PPP1R14C: variants seen among roughly 807,000 people sequenced by gnomAD.
PPP1R14C encodes protein phosphatase 1 regulatory inhibitor subunit 14C.
A neutral mutation model predicts 20.4 loss-of-function variants in PPP1R14C; 16 were observed. That is an observed-to-expected ratio of 0.78 (90% CI 0.53 to 1.19). The LOEUF (loss-of-function observed/expected upper bound fraction) is 1.19, where lower values mean the gene tolerates loss of function less well. Among genes scored for constraint, PPP1R14C ranks in the 50% most tolerant of loss-of-function variants. The pLI is 0.00. For synonymous variants in PPP1R14C, 91 were observed against 91.0 expected, an observed-to-expected ratio of 1.00 and a Z score of 0.00; for missense variants, 211 against 220.1, an observed-to-expected ratio of 0.96 and a Z score of 0.26.
chr6:150,198,174 T>C (rs1286990784), intron 1 of PPP1R14C, among the ~76,000 whole-genome samples: 5 of 147,088 alleles, frequency 3.4e-5, no homozygotes, highest in Admixed American at 6.7e-5. Context: ...GAGGAGGGCC[T>C]GGATGCCCGG....
chr6:150,203,697 G>C (rs546609438), intron 1 of PPP1R14C, among the ~76,000 whole-genome samples: 2 of 152,228 alleles, frequency 1.3e-5, no homozygotes. Context: ...TTCTCTCCAA[G>C]AATTGGCTAG....
intron 1 of PPP1R14C, among the ~76,000 whole-genome samples, chr6:150,167,183 A>G (rs1777431621): frequency 6.6e-6 from 1 of 152,142 alleles, no homozygotes; most frequent in African/African-American, 2.4e-5. Context: ...CCTGGCCAAC[A>G]TGGCAAACCC....
chr6:150,230,349 T>G (rs866784714), intron 3 of PPP1R14C, among the ~76,000 whole-genome samples: 1 of 152,190 alleles, frequency 6.6e-6, no homozygotes, highest in African/African-American at 2.4e-5. Context: ...CAATTTGCTG[T>G]AAGTTGGCAG....
chr6:150,229,788 A>C (rs1778272313), intron 3 of PPP1R14C, among the ~76,000 whole-genome samples: 1 of 152,192 alleles, frequency 6.6e-6, no homozygotes, highest in Non-Finnish European at 1.5e-5. Context: ...CAGATCCATA[A>C]GCCTCCTTTC....
chr6:150,211,558 G>A (rs1334528369), intron 1 of PPP1R14C, among the ~76,000 whole-genome samples: 1 of 152,138 alleles, frequency 6.6e-6, no homozygotes, highest in African/African-American at 2.4e-5. Context: ...CTATCACTAA[G>A]GTCATTCAGT....
At chr6:150,244,507 TC>T (rs1433802002) in intron 3 of PPP1R14C, among the ~76,000 whole-genome samples, 1 of 152,172 alleles carries the variant, frequency 6.6e-6, no homozygotes, top group East Asian at 1.9e-4. Context: ...TCCCACCTAG[TC>T]CTGCAATTTA....
At chr6:150,204,878 A>G (rs562608236) in intron 1 of PPP1R14C, among the ~76,000 whole-genome samples, 2 of 152,204 alleles carry the variant, frequency 1.3e-5, no homozygotes, top group African/African-American at 4.8e-5. Context: ...CTTTCTTCCC[A>G]TGCTGTGCTC....
At chr6:150,221,039 A>G (rs1443013502) in intron 3 of PPP1R14C, among the ~76,000 whole-genome samples, 9 of 152,242 alleles carry the variant, frequency 5.9e-5, no homozygotes, top group Admixed American at 3.3e-4. Context: ...ATGATGTAAA[A>G]TGCTGAGGAA....
At chr6:150,243,627 A>G (rs1778458194) in intron 3 of PPP1R14C, among the ~76,000 whole-genome samples, 1 of 152,262 alleles carries the variant, frequency 6.6e-6, no homozygotes, top group African/African-American at 2.4e-5. Context: ...GGGTATAAAC[A>G]TAGACAAATA....
intron 1 of PPP1R14C, among the ~76,000 whole-genome samples, chr6:150,191,613 G>C (rs1777747397): frequency 6.6e-6 from 1 of 152,188 alleles, no homozygotes; most frequent in South Asian, 2.1e-4. Flanking sequence ...AAAACACTCT[G>C]CTCTCCTTGT....
chr6:150,168,812 T>C (rs1010523864), intron 1 of PPP1R14C, among the ~76,000 whole-genome samples: 12 of 152,238 alleles, frequency 7.9e-5, no homozygotes, highest in African/African-American at 2.9e-4. Context: ...TATAATTTAA[T>C]TTAAAAATTT....
At chr6:150,225,108 T>C (rs1275452437) in intron 3 of PPP1R14C, among the ~76,000 whole-genome samples, 1 of 152,074 alleles carries the variant, frequency 6.6e-6, no homozygotes, top group Non-Finnish European at 1.5e-5. Flanking sequence ...CTCTGGTTAG[T>C]TTCTCCTCAG....
rs1386626221 is a variant in PPP1R14C at position 150,210,690 on chromosome 6, T to C, written c.307-4054T>C. ...ACAGCTTTAAAAATTGGAATTTTTT[T>C]ACATTAAAAAACTCTATTTTCAGTT... On this transcript the variant is annotated intron_variant, in intron 1 of 3. Coordinates refer to ENST00000361131, the MANE Select transcript of PPP1R14C (RefSeq NM_030949.3). Among the ~76,000 whole-genome samples the C allele has an allele frequency of 2.6e-5, 4 of 152,362 alleles. 1 individual carries two copies. The highest frequency in any genetic ancestry group is 3.4e-3 in the Middle Eastern group (1 of 294).
rs761314559 is a variant in PPP1R14C at position 150,218,474 on chromosome 6, A to ACC, written c.423+1628_423+1629dup. 1.9e-3 allele frequency among the ~76,000 whole-genome samples: 183 copies of ACC among 98,326 alleles called. 1 individual carries two copies. The highest frequency in any genetic ancestry group is 0.014 in the South Asian group (36 of 2,494). 64.5% of individuals were successfully genotyped at this position (98,326 alleles called of 152,430 possible). ...ATTAATGTAATACTAATACATCTGA[A>ACC]CCCCCCCCCCCAAAAAAAAATTCTG... On this transcript the variant is annotated intron_variant, in intron 3 of 3. Transcript: ENST00000361131.
chr6:150,177,474 G>C (rs866946528), intron 1 of PPP1R14C, among the ~76,000 whole-genome samples: 1 of 152,186 alleles, frequency 6.6e-6, no homozygotes, highest in East Asian at 1.9e-4. Context: ...GCAAGCGAAG[G>C]GTCATGTGTA....
chr6:150,161,422 C>T (rs1777366699), intron 1 of PPP1R14C, among the ~76,000 whole-genome samples: 1 of 152,182 alleles, frequency 6.6e-6, no homozygotes, highest in South Asian at 2.1e-4. Flanking sequence ...TTGGCGTATA[C>T]ATATCTACAA....
chr6:150,200,574 C>T (rs1421463000), intron 1 of PPP1R14C, among the ~76,000 whole-genome samples: 2 of 152,136 alleles, frequency 1.3e-5, no homozygotes, highest in African/African-American at 4.8e-5. Flanking sequence ...ATGGCCCTGC[C>T]CCTGGCTCTC....
chr6:150,239,708 T>C (rs894689678), intron 3 of PPP1R14C, among the ~76,000 whole-genome samples: 1 of 151,584 alleles, frequency 6.6e-6, no homozygotes, highest in Non-Finnish European at 1.5e-5. Flanking sequence ...CAAAGCAAGG[T>C]GGAGAAAGGA....
chr6:150,209,133 C>A (rs1039054017), intron 1 of PPP1R14C, among the ~76,000 whole-genome samples: 2 of 152,168 alleles, frequency 1.3e-5, no homozygotes, highest in African/African-American at 4.8e-5. Context: ...TCAGCTGCCA[C>A]AATTTGCACA....
Sources: allele counts gnomAD v4.1 joint callset (sites outside exome capture counted in the v4.1 genomes callset), GRCh38; gene constraint gnomAD v4.1.1; transcripts MANE v1.5; gene names NCBI Gene and HGNC (gene_info 2026-07-23, HGNC 2026-07-21).